Variants in CACNA1E observed in about 807,000 individuals in gnomAD.
The protein encoded by CACNA1E is calcium voltage-gated channel subunit alpha1 E.
CACNA1E carries 40 observed loss-of-function variants against 259.2 expected under a neutral mutation model. The ratio of observed to expected loss-of-function variants is 0.15; its 90% CI spans 0.12 to 0.20. CACNA1E has a LOEUF of 0.20. CACNA1E is among the 10% of genes least tolerant of loss of function. The pLI, the probability that CACNA1E is intolerant of heterozygous loss-of-function variation, is 1.00. For synonymous variants in CACNA1E, 1,104 were observed against 1,138.5 expected (o/e 0.97, Z 0.61); for missense variants, 1,874 against 3,040.1 (o/e 0.62, Z 9.02).
intron 6 of CACNA1E, among the ~76,000 whole-genome samples, chr1:181,606,429 A>C (rs1331759623): frequency 6.6e-6 from 1 of 151,914 alleles, no homozygotes; most frequent in Non-Finnish European, 1.5e-5. Context: ...TATGGATGCT[A>C]CCTCCAAAAT....
At chr1:181,356,598 C>T (rs978067953) in intron 1 of CACNA1E, among the ~76,000 whole-genome samples, 4 of 152,234 alleles carry the variant, frequency 2.6e-5, no homozygotes, top group African/African-American at 9.6e-5. Flanking sequence ...AGCCTGCCAG[C>T]AGGCCTTCAG....
chr1:181,439,824 T>A (rs1660337195), intron 2 of CACNA1E, among the ~76,000 whole-genome samples: 1 of 152,184 alleles, frequency 6.6e-6, no homozygotes, highest in African/African-American at 2.4e-5. Context: ...GGAGGCAGCA[T>A]CTTTTCTACT....
chr1:181,373,598 C>G lies in CACNA1E; in HGVS notation c.-14-39535C>G, dbSNP rs192828666. On this transcript the variant is annotated intron_variant, in intron 1 of 11. Coordinates refer to the CACNA1E transcript ENST00000524607. ...TGTCGCCCAGGCTGGAGTGCAGTGG[C>G]GCAATCTCGGCTCACTGCAAGCTCC... 3.4e-3 allele frequency among the ~76,000 whole-genome samples: 487 copies of G among 143,584 alleles called. 2 individuals are homozygous for G. Among genetic ancestry groups the G allele is most frequent in the African/African-American group, 0.012 (461 of 38,610 alleles). The allele number at this position is 143,584 out of a possible 152,430, so 94.2% of individuals were successfully genotyped here.
At chr1:181,451,502 A>ATG (rs1661154461) in intron 2 of CACNA1E, among the ~76,000 whole-genome samples, 1 of 152,162 alleles carries the variant, frequency 6.6e-6, no homozygotes, top group Admixed American at 6.5e-5. Context: ...CCTGGCCAAC[A>ATG]TGGTGAAACC....
rs555711243 is a variant in CACNA1E, at chr1:181,788,885, G to A, written c.5787-1560G>A. Among the ~76,000 whole-genome samples the A allele has an allele frequency of 2.0e-5, 3 of 152,264 alleles. No homozygotes were observed. In the East Asian group the frequency reaches 5.8e-4, roughly 29 times the overall value. Reference sequence around the variant, plus strand: ...AAAAGGAACCCATTTCTTTCTTTCTGAGACATGATCTCATTCTGTTGCCCA... The same window carrying A: ...AAAAGGAACCCATTTCTTTCTTTCTAAGACATGATCTCATTCTGTTGCCCA... On this transcript the variant is annotated intron_variant, in intron 43 of 47. Coordinates refer to ENST00000367573, the MANE Select transcript of CACNA1E (RefSeq NM_001205293.3).
chr1:181,720,133 A>C, intron 13 of CACNA1E, 73 bp from the exon 14 acceptor site: 1 of 1,547,242 alleles, frequency 6.5e-7, no homozygotes, highest in Admixed American at 1.7e-5. Context: ...ACTACCAGGC[A>C]TATGCTGAGC....
intron 2 of CACNA1E, among the ~76,000 whole-genome samples, chr1:181,438,185 T>C (rs904793600): frequency 6.6e-6 from 1 of 152,202 alleles, no homozygotes; most frequent in Non-Finnish European, 1.5e-5. Context: ...CCTTGTTTAG[T>C]AGCATATGTC....
At chr1:181,527,799 A>G (rs1001336239) in intron 3 of CACNA1E, among the ~76,000 whole-genome samples, 3 of 152,094 alleles carry the variant, frequency 2.0e-5, no homozygotes, top group Non-Finnish European at 4.4e-5. Context: ...GTTGCTTTCC[A>G]ATTACTTATC....
At chr1:181,395,452 G>A (rs953904987) in intron 1 of CACNA1E, among the ~76,000 whole-genome samples, 1 of 152,136 alleles carries the variant, frequency 6.6e-6, no homozygotes, top group African/African-American at 2.4e-5. Context: ...TTGGGAGAAA[G>A]GTCTGAGCTG....
At chr1:181,626,958 T>C (rs917308683) in intron 6 of CACNA1E, among the ~76,000 whole-genome samples, 2 of 152,226 alleles carry the variant, frequency 1.3e-5, no homozygotes, top group Admixed American at 1.3e-4. Context: ...TTTTCTTAAT[T>C]GCATTGGTGT....
chr1:181,738,079 C>CAGGT (rs1656224931), intron 23 of CACNA1E, among the ~76,000 whole-genome samples: 1 of 152,216 alleles, frequency 6.6e-6, no homozygotes, highest in African/African-American at 2.4e-5. Flanking sequence ...AACTAAGGGA[C>CAGGT]AGGTATGTGG....
In CACNA1E at chr1:181,722,455, T is replaced by A. The variant is rs576280962; in HGVS notation, c.2074+580T>A. 1.7e-4 allele frequency among the ~76,000 whole-genome samples: 26 copies of A among 152,274 alleles called. No individual in the cohort carries two copies. In the South Asian group the frequency reaches 5.4e-3, roughly 32 times the overall value. ...ATTGTAAAGGGAAACTAAAGTCCAGTTCCATCTAACTCCAGTGCCCTATCC... is the reference window on the plus strand; with the variant it reads ...ATTGTAAAGGGAAACTAAAGTCCAGATCCATCTAACTCCAGTGCCCTATCC... On this transcript the variant is annotated intron_variant, in intron 16 of 47. Coordinates refer to ENST00000367573, the MANE Select transcript of CACNA1E (RefSeq NM_001205293.3).
chr1:181,739,009 C>T (rs1434293298), intron 24 of CACNA1E, 138 bp from the exon 25 acceptor site: 6 of 705,286 alleles, frequency 8.5e-6, no homozygotes, highest in South Asian at 1.6e-5. Context: ...CTGGACCTAA[C>T]CTCTCATTCT....
intron 2 of CACNA1E, among the ~76,000 whole-genome samples, chr1:181,450,027 G>A (rs1661050713): frequency 6.6e-6 from 1 of 152,158 alleles, no homozygotes; most frequent in Non-Finnish European, 1.5e-5. Flanking sequence ...AGGCTATACA[G>A]GAAGCATGGC....
intron 1 of CACNA1E, among the ~76,000 whole-genome samples, chr1:181,354,411 C>G (rs1653273039): frequency 6.6e-6 from 1 of 152,138 alleles, no homozygotes; most frequent in South Asian, 2.1e-4. Flanking sequence ...AAATAGTGTG[C>G]TCAGGTATGG....
intron 3 of CACNA1E, among the ~76,000 whole-genome samples, chr1:181,553,245 C>G (rs1234062224): frequency 6.6e-6 from 1 of 152,074 alleles, no homozygotes; most frequent in Non-Finnish European, 1.5e-5. Context: ...TCCTAGGTAT[C>G]TTATTCTTTT....
At chr1:181,443,374 C>T (rs889496952) in intron 2 of CACNA1E, among the ~76,000 whole-genome samples, 2 of 152,232 alleles carry the variant, frequency 1.3e-5, no homozygotes, top group African/African-American at 4.8e-5. Flanking sequence ...CCTCATACTT[C>T]ATGGTTTCTT....
At chr1:181,386,952 A>G (rs1655899697) in intron 1 of CACNA1E, among the ~76,000 whole-genome samples, 1 of 152,162 alleles carries the variant, frequency 6.6e-6, no homozygotes, top group African/African-American at 2.4e-5. Context: ...CGCAGGCCAC[A>G]TGGCCTGAGT....
In CACNA1E at chr1:181,804,922, A is replaced by G. The variant is rs1278025591; in HGVS notation, c.*6088A>G. Reference sequence around the variant, plus strand: ...CCTTATTCTTCTTGTTGTCTCTCTAATTAAAAAAAAAAAAAACCTAGGCTT... The same window carrying G: ...CCTTATTCTTCTTGTTGTCTCTCTAGTTAAAAAAAAAAAAAACCTAGGCTT... On this transcript the variant is annotated 3_prime_UTR_variant, in exon 48 of 48. Transcript: ENST00000367573. 1.4e-5 allele frequency: 2 copies of G among 146,796 alleles called. No individual in the cohort carries two copies. Among genetic ancestry groups the G allele is most frequent in the Non-Finnish European group, 3.0e-5 (2 of 66,954 alleles). The allele number at this position is 146,796 out of a possible 1,614,324, so 9.1% of individuals were successfully genotyped here.
Sources: gnomAD v4.1 joint callset for allele counts (sites outside exome capture counted in the v4.1 genomes callset) on GRCh38, gnomAD v4.1.1 for gene constraint, MANE v1.5 for transcripts, NCBI Gene and HGNC (gene_info 2026-07-23, HGNC 2026-07-21) for gene names.